CSMD1: variants seen among roughly 807,000 people sequenced by gnomAD.
CSMD1 encodes CUB and Sushi multiple domains 1.
Under a neutral mutation model 417.5 loss-of-function variants are expected in CSMD1, and 213 were observed. The observed-to-expected ratio is 0.51, with a 90% CI of 0.46 to 0.57. The LOEUF is 0.57. CSMD1 is among the 20% of genes least tolerant of loss of function. The probability of loss-of-function intolerance (pLI) is 0.00; values close to 1 mark genes in which losing one functional copy is unlikely to be tolerated. For synonymous variants in CSMD1, 2,862 were observed against 1,736.8 expected (o/e 1.65, Z -16.11); for missense variants, 6,923 against 4,529.7 (o/e 1.53, Z -15.17).
intron 5 of CSMD1, among the ~76,000 whole-genome samples, chr8:3,954,260 A>G (rs1317605903): frequency 2.0e-5 from 3 of 152,202 alleles, no homozygotes. Flanking sequence ...AGTTTATTTT[A>G]AAAGACCTTA....
At chr8:3,188,770 A>C in intron 35 of CSMD1, 117 bp downstream of exon 35, 2 of 910,234 alleles carry the variant, frequency 2.2e-6, no homozygotes, top group Non-Finnish European at 3.0e-6. Context: ...TATAAAAGGA[A>C]AAAAGAGAGA....
intron 21 of CSMD1, among the ~76,000 whole-genome samples, chr8:3,356,511 C>T (rs889977404): frequency 5.9e-5 from 9 of 152,104 alleles, no homozygotes; most frequent in African/African-American, 2.2e-4. Context: ...CCCGTCTTTA[C>T]TAAAAATACA....
Position 3,142,470 on chromosome 8 carries a change from T to A in CSMD1, c.6236A>T (p.Tyr2079Phe), listed in dbSNP as rs201454449. ...TTCTCGTTGTTGTTCCATACCTTGG[T>A]AAGCAAGTTTAAATCCTTGCCGGTT... is the stretch of plus-strand genomic sequence containing the variant. ...SQNRQGFKLAYQAYELQNCPD... is the reference protein window; with the variant it reads ...SQNRQGFKLAFQAYELQNCPD... Residue 2079 changes from tyrosine to phenylalanine, a missense_variant, in exon 41 of 70, where the codon TAC (tyrosine) becomes TTC (phenylalanine). Physicochemically the swap from Tyr to Phe is conservative, Grantham distance 22. Coordinates refer to ENST00000635120, the MANE Select transcript of CSMD1 (RefSeq NM_033225.6). 79 of 1,612,840 alleles carry A rather than the reference T, an allele frequency of 4.9e-5. No homozygotes were observed. In the East Asian group the frequency reaches 6.7e-4, roughly 14 times the overall value.
At chr8:4,585,342 A>C (rs1252165471) in intron 2 of CSMD1, among the ~76,000 whole-genome samples, 1 of 152,210 alleles carries the variant, frequency 6.6e-6, no homozygotes, top group Non-Finnish European at 1.5e-5. Flanking sequence ...AGTTGAAAAG[A>C]GGATTAGAGA....
chr8:3,758,367 C>T (rs1261793488), intron 5 of CSMD1, among the ~76,000 whole-genome samples: 1 of 152,124 alleles, frequency 6.6e-6, no homozygotes, highest in Non-Finnish European at 1.5e-5. Context: ...ACCCCGAAGT[C>T]GATTTTTGTA....
intron 10 of CSMD1, among the ~76,000 whole-genome samples, chr8:3,499,874 C>A (rs911774916): frequency 2.0e-5 from 3 of 152,090 alleles, no homozygotes; most frequent in African/African-American, 4.8e-5. Context: ...AAAATGGCAC[C>A]ATGCTGCAGC....
In CSMD1 at chr8:4,547,224, G is replaced by A. The variant is rs58009497; in HGVS notation, c.302+90118C>T. On this transcript the variant is annotated intron_variant, in intron 2 of 69. Transcript: ENST00000635120. ...CCGTTATCCAGCAAGCCTGGGTTCT[G>A]CCTCTGTGGTTTCCTTCCTGCGGCT... 8.0e-4 allele frequency among the ~76,000 whole-genome samples: 122 copies of A among 152,298 alleles called. 1 individual carries two copies. The highest frequency in any genetic ancestry group is 2.8e-3 in the African/African-American group (116 of 41,562).
At chr8:3,143,275 T>A (rs1585464359) in intron 40 of CSMD1, among the ~76,000 whole-genome samples, 1 of 152,238 alleles carries the variant, frequency 6.6e-6, no homozygotes, top group Non-Finnish European at 1.5e-5. Flanking sequence ...ACAAGTTTAT[T>A]AGTTTAGCAA....
chr8:4,240,662 A>G (rs962692824), intron 3 of CSMD1, among the ~76,000 whole-genome samples: 1 of 152,090 alleles, frequency 6.6e-6, no homozygotes, highest in Non-Finnish European at 1.5e-5. Flanking sequence ...CTCCCCTTAT[A>G]CACTCCTGGC....
intron 5 of CSMD1, among the ~76,000 whole-genome samples, chr8:3,884,020 T>C (rs745346063): frequency 1.3e-5 from 2 of 152,318 alleles, no homozygotes; most frequent in African/African-American, 2.4e-5. Flanking sequence ...CTAAATATTT[T>C]AGTTTTCATG....
chr8:4,047,192 C>T (rs1379553081), intron 3 of CSMD1, among the ~76,000 whole-genome samples: 3 of 152,124 alleles, frequency 2.0e-5, no homozygotes, highest in East Asian at 1.9e-4. Flanking sequence ...GGGCCAGATG[C>T]TCTGTAGTAA....
chr8:4,263,249 C>G (rs980623224), intron 3 of CSMD1, among the ~76,000 whole-genome samples: 3 of 152,082 alleles, frequency 2.0e-5, no homozygotes, highest in Non-Finnish European at 4.4e-5. Context: ...CTAAAAAAAT[C>G]TGTAAGCTGA....
chr8:4,355,888 G>A (rs1801401871), intron 3 of CSMD1, among the ~76,000 whole-genome samples: 1 of 152,094 alleles, frequency 6.6e-6, no homozygotes, highest in Non-Finnish European at 1.5e-5. Context: ...CATTTAAACA[G>A]CGCAGGTGAG....
chr8:3,527,305 C>A (rs1797793387), intron 10 of CSMD1, among the ~76,000 whole-genome samples: 1 of 152,116 alleles, frequency 6.6e-6, no homozygotes, highest in Non-Finnish European at 1.5e-5. Flanking sequence ...ACATCATATT[C>A]ATTTCTTATT....
intron 5 of CSMD1, among the ~76,000 whole-genome samples, chr8:3,800,000 T>C (rs1800370394): frequency 1.3e-5 from 2 of 152,202 alleles, no homozygotes; most frequent in Admixed American, 6.6e-5. Context: ...CCACTATTTG[T>C]GTAACCTTGT....
chr8:3,230,035 G>T lies in CSMD1; in HGVS notation c.4345+5C>A, dbSNP rs1321514711. The T allele has an allele frequency of 1.3e-6, 2 of 1,570,100 alleles. No individual in the cohort carries two copies. Among genetic ancestry groups the T allele is most frequent in the Admixed American group, 3.7e-5 (2 of 53,428 alleles). ...ATAAAATTTCTAAGTTCTGTTGTCT[G>T]ATACCTATGCATGTAGGAGGGTCTG... On this transcript the variant is annotated splice_donor_5th_base_variant and intron_variant, in intron 27 of 69. Transcript: ENST00000635120.
At chr8:4,116,159 A>C (rs1329798686) in intron 3 of CSMD1, among the ~76,000 whole-genome samples, 1 of 151,564 alleles carries the variant, frequency 6.6e-6, no homozygotes. Flanking sequence ...GCACCCAGCT[A>C]ATTTTTGTAT....
intron 1 of CSMD1, among the ~76,000 whole-genome samples, chr8:4,889,847 C>G (rs899839850): frequency 6.6e-6 from 1 of 152,056 alleles, no homozygotes; most frequent in Non-Finnish European, 1.5e-5. Flanking sequence ...GCTGGAGTTA[C>G]TTTGTATTTA....
chr8:3,118,334 A>T, intron 42 of CSMD1, 65 bp downstream of exon 42: 2 of 1,108,584 alleles, frequency 1.8e-6, no homozygotes, highest in Non-Finnish European at 2.6e-6. Flanking sequence ...ATGTTCATTT[A>T]ATATTTAATG....
Sources: allele counts gnomAD v4.1 joint callset (sites outside exome capture counted in the v4.1 genomes callset), GRCh38; gene constraint gnomAD v4.1.1; transcripts MANE v1.5; gene names NCBI Gene and HGNC (gene_info 2026-07-23, HGNC 2026-07-21).